NPSR1: variants seen among roughly 807,000 people sequenced by gnomAD.
NPSR1 encodes the protein neuropeptide S receptor 1, also known as neuropeptide S receptor.
NPSR1 carries 48 observed loss-of-function variants against 46.9 expected under a neutral mutation model. The ratio of observed to expected loss-of-function variants is 1.02; its 90% CI spans 0.81 to 1.30. The LOEUF is 1.30. Ranked by LOEUF, NPSR1 falls within the 50% of genes most tolerant of loss-of-function variation. The pLI is 0.00. For missense variants in NPSR1, 450 were observed against 449.5 expected, an observed-to-expected ratio of 1.00 and a Z score of -0.01; for synonymous variants, 176 against 168.1, an observed-to-expected ratio of 1.05 and a Z score of -0.36.
chr7:34,750,077 C>T (rs532827448), intron 2 of NPSR1, among the ~76,000 whole-genome samples: 318 of 149,994 alleles, frequency 2.1e-3, no homozygotes, highest in Non-Finnish European at 3.6e-3. Flanking sequence ...CAATGCAGTT[C>T]AGTTAGGCTA....
At chr7:34,739,050 A>ATCC (rs1784813228) in intron 2 of NPSR1, among the ~76,000 whole-genome samples, 1 of 152,230 alleles carries the variant, frequency 6.6e-6, no homozygotes, top group African/African-American at 2.4e-5. Flanking sequence ...AAGTTCATCC[A>ATCC]TATTGCAGCA....
chr7:34,753,779 A>T (rs1185486515), intron 2 of NPSR1: 1 of 152,110 alleles, frequency 6.6e-6, no homozygotes, highest in Non-Finnish European at 1.5e-5. Context: ...GGGAAGGAGG[A>T]TTGCTTGAAG....
rs868163596 is a variant in NPSR1 at position 34,873,121 on chromosome 7, G to A, written c.1026-4955G>A. Among the ~76,000 whole-genome samples, 14 of 151,706 alleles carry A rather than the reference G, an allele frequency of 9.2e-5. 1 individual carries two copies. Among genetic ancestry groups the A allele is most frequent in the African/African-American group, 3.4e-4 (14 of 41,034 alleles). ...AAGCTCTTCATTAAAGCATAACATG[G>A]GTGACTTTACTCCAGTTCCTAATAA... On this transcript the variant is annotated intron_variant, in intron 8 of 8. Transcript: ENST00000359791.
intron 3 of NPSR1, among the ~76,000 whole-genome samples, chr7:34,803,126 A>C (rs1005488601): frequency 6.0e-5 from 9 of 151,216 alleles, no homozygotes; most frequent in Non-Finnish European, 1.0e-4. Context: ...GTGGGACTGT[A>C]AACTAGTTCA....
At chr7:34,849,464 C>G in intron 8 of NPSR1, 101 bp from the exon 9 acceptor site, 1 of 1,601,974 alleles carries the variant, frequency 6.2e-7, no homozygotes, top group Non-Finnish European at 8.6e-7. Context: ...AGTTGTCTGA[C>G]ATTTAATACA....
chr7:34,737,868 G>A (rs1392100164), intron 2 of NPSR1, among the ~76,000 whole-genome samples: 1 of 152,166 alleles, frequency 6.6e-6, no homozygotes, highest in East Asian at 1.9e-4. Flanking sequence ...GACCCCTGAA[G>A]TGATATCTCC....
intron 2 of NPSR1, among the ~76,000 whole-genome samples, chr7:34,733,409 A>T (rs1403559278): frequency 7.1e-6 from 1 of 140,214 alleles, no homozygotes; most frequent in Non-Finnish European, 1.6e-5. Context: ...ACAAAGCAAG[A>T]TTTTGTCTTA....
chr7:34,735,308 G>A (rs1784619873), intron 2 of NPSR1, among the ~76,000 whole-genome samples: 1 of 152,152 alleles, frequency 6.6e-6, no homozygotes, highest in South Asian at 2.1e-4. Flanking sequence ...ATAGCCATGT[G>A]TGGAGGCAGA....
intron 2 of NPSR1, among the ~76,000 whole-genome samples, chr7:34,757,220 T>G (rs923988336): frequency 2.0e-5 from 3 of 152,148 alleles, no homozygotes; most frequent in African/African-American, 7.2e-5. Context: ...AATCCAAATT[T>G]CACTGAACTG....
At chr7:34,825,940 C>T (rs1250640286) in intron 4 of NPSR1, among the ~76,000 whole-genome samples, 1 of 152,086 alleles carries the variant, frequency 6.6e-6, no homozygotes, top group African/African-American at 2.4e-5. Flanking sequence ...AGCAAGCCCA[C>T]CTAGGGAGAA....
intron 1 of NPSR1, among the ~76,000 whole-genome samples, chr7:34,668,557 C>T (rs765379691): frequency 6.6e-6 from 1 of 152,232 alleles, no homozygotes; most frequent in South Asian, 2.1e-4. Flanking sequence ...GTTAAGCAAG[C>T]TTATGCTGAG....
downstream of NPSR1, chr7:34,850,015 A>G (rs1040921500): frequency 2.5e-5 from 25 of 1,011,298 alleles, 1 homozygote; most frequent in Middle Eastern, 9.6e-4. Flanking sequence ...TGGGTTATAC[A>G]TGAATATTCT....
At chr7:34,790,965 TTATA>T (rs1470360283) in intron 3 of NPSR1, among the ~76,000 whole-genome samples, 1 of 93,802 alleles carries the variant, frequency 1.1e-5, no homozygotes, top group Non-Finnish European at 2.3e-5. Context: ...ATATGTTATA[TTATA>T]TATGTTATAT....
chr7:34,851,273 A>G (rs1178471754), downstream of NPSR1, among the ~76,000 whole-genome samples: 1 of 148,376 alleles, frequency 6.7e-6, no homozygotes, highest in Non-Finnish European at 1.5e-5. Context: ...TATGGTGTCA[A>G]CTCAAAGTCT....
chr7:34,725,083 C>CCA (rs1470184244), intron 2 of NPSR1, among the ~76,000 whole-genome samples: 25 of 144,326 alleles, frequency 1.7e-4, no homozygotes, highest in Non-Finnish European at 2.4e-4. Flanking sequence ...TTCTAAGTAC[C>CCA]CACACACACA....
intron 3 of NPSR1, among the ~76,000 whole-genome samples, chr7:34,808,287 G>A (rs1788808247): frequency 6.6e-6 from 1 of 152,088 alleles, no homozygotes; most frequent in Non-Finnish European, 1.5e-5. Context: ...AATTTATGTT[G>A]TTTTAAGCCA....
intron 1 of NPSR1, among the ~76,000 whole-genome samples, chr7:34,678,448 G>C (rs144496651): frequency 1.3e-5 from 2 of 152,056 alleles, no homozygotes; most frequent in Non-Finnish European, 2.9e-5. Flanking sequence ...TTATGAAACA[G>C]ATCCCCTAAA....
chr7:34,862,337 C>T (rs745923448), intron 8 of NPSR1, among the ~76,000 whole-genome samples: 37 of 151,788 alleles, frequency 2.4e-4, no homozygotes, highest in Non-Finnish European at 2.9e-4. Context: ...GCATGGAGCT[C>T]ACCCCCAGAG....
intron 2 of NPSR1, among the ~76,000 whole-genome samples, chr7:34,709,212 C>T (rs1321017611): frequency 1.3e-5 from 2 of 152,088 alleles, no homozygotes; most frequent in Non-Finnish European, 2.9e-5. Flanking sequence ...TTTAGGATCC[C>T]CAGGAATAGA....
Sources: gnomAD v4.1 joint callset for allele counts (sites outside exome capture counted in the v4.1 genomes callset) on GRCh38, gnomAD v4.1.1 for gene constraint, MANE v1.5 for transcripts, NCBI Gene and HGNC (gene_info 2026-07-23, HGNC 2026-07-21) for gene names.